SPATA31H1: variants seen among roughly 807,000 people sequenced by gnomAD.
The protein encoded by SPATA31H1 is SPATA31 subfamily H member 1, also known as spermatogenesis-associated protein 31H1.
At chr2:27,578,576 T>C in the SPATA31H1 span, 8 of 1,613,678 alleles carry the variant, frequency 5.0e-6, no homozygotes, top group East Asian at 1.6e-4. Flanking sequence ...CGCAAACATC[T>C]CCATTTGAGG....
At chr2:27,574,112 TG>T in the SPATA31H1 span, 2 of 398,524 alleles carry the variant, frequency 5.0e-6, no homozygotes, top group East Asian at 7.1e-5. Flanking sequence ...ACTTCAAACC[TG>T]GGCCACAGTT....
the SPATA31H1 span, chr2:27,580,570 G>A: frequency 9.9e-6 from 16 of 1,614,082 alleles, no homozygotes; most frequent in Admixed American, 1.3e-4. Flanking sequence ...ACTCAGACAA[G>A]TACTGCCTCT....
the SPATA31H1 span, among the ~76,000 whole-genome samples, chr2:27,565,633 T>G: frequency 2.6e-5 from 4 of 152,196 alleles, no homozygotes; most frequent in Admixed American, 6.5e-5. Context: ...GCCCAAGGTA[T>G]TGGGAAGGAA....
At chr2:27,550,933 A>G in the SPATA31H1 span, among the ~76,000 whole-genome samples, 12 of 150,458 alleles carry the variant, frequency 8.0e-5, no homozygotes, top group African/African-American at 2.9e-4. Context: ...TCTGTCACCC[A>G]GGTTGGAGTG....
chr2:27,541,977 G>A, the SPATA31H1 span, among the ~76,000 whole-genome samples: 3 of 151,848 alleles, frequency 2.0e-5, no homozygotes, highest in African/African-American at 7.3e-5. Flanking sequence ...TATCGCCATG[G>A]TGCCCAGCTG....
chr2:27,547,328 C>T, the SPATA31H1 span, among the ~76,000 whole-genome samples: 8 of 151,802 alleles, frequency 5.3e-5, no homozygotes, highest in African/African-American at 1.9e-4. Flanking sequence ...TGCACACCAC[C>T]ATGCCCAGCT....
the SPATA31H1 span, among the ~76,000 whole-genome samples, chr2:27,550,920 C>T: frequency 2.0e-5 from 3 of 151,062 alleles, no homozygotes; most frequent in Non-Finnish European, 2.9e-5. Context: ...GATGGAGTCT[C>T]ACTCTGTCAC....
At chr2:27,538,300 G>A in the SPATA31H1 span, among the ~76,000 whole-genome samples, 936 of 151,602 alleles carry the variant, frequency 6.2e-3, 7 homozygotes, top group African/African-American at 0.022. Flanking sequence ...TGAATCACCT[G>A]GGGGATCTTG....
chr2:27,579,561 A>C, the SPATA31H1 span: 1 of 1,614,256 alleles, frequency 6.2e-7, no homozygotes, highest in Non-Finnish European at 8.5e-7. Context: ...TAGAGTGAGA[A>C]TAAAGAAGAC....
At chr2:27,570,225 T>G in the SPATA31H1 span, 1 of 398,688 alleles carries the variant, frequency 2.5e-6, no homozygotes, top group Admixed American at 4.4e-5. Flanking sequence ...AGAGTCATCT[T>G]TGCAGTCAAG....
chr2:27,570,087 C>T, the SPATA31H1 span: 2 of 398,798 alleles, frequency 5.0e-6, no homozygotes, highest in Non-Finnish European at 8.9e-6. Flanking sequence ...GGAACTAAGC[C>T]CAGGACTATT....
chr2:27,566,598 G>T, the SPATA31H1 span: 1 of 581,294 alleles, frequency 1.7e-6, no homozygotes, highest in Non-Finnish European at 3.1e-6. Context: ...ATTTCTATAA[G>T]TAATTGATGT....
At chr2:27,577,311 G>C in the SPATA31H1 span, 1 of 1,613,978 alleles carries the variant, frequency 6.2e-7, no homozygotes, top group African/African-American at 1.3e-5. The surrounding 1 kb of genome is among the most constrained non-coding windows in gnomAD (Gnocchi z 4.5). Context: ...CCGAGTTAAG[G>C]ATGTGGGGGA....
the SPATA31H1 span, among the ~76,000 whole-genome samples, chr2:27,539,101 CTTTTTTTT>C: frequency 0.018 from 1,670 of 94,642 alleles, 11 homozygotes; most frequent in Middle Eastern, 0.025. Context: ...TCATCATTTT[CTTTTTTTT>C]TTTTTTTTTT....
chr2:27,574,191 A>C, the SPATA31H1 span: 1 of 398,416 alleles, frequency 2.5e-6, no homozygotes, highest in Non-Finnish European at 4.4e-6. Context: ...AATGGAATGC[A>C]ACTCAGGCCC....
chr2:27,571,868 TGAA>T, the SPATA31H1 span: 1 of 398,322 alleles, frequency 2.5e-6, no homozygotes, highest in Admixed American at 4.4e-5. Flanking sequence ...GAGAAGAGTT[TGAA>T]GAAGTAAAAT....
the SPATA31H1 span, chr2:27,573,774 C>A: frequency 2.5e-6 from 1 of 398,516 alleles, no homozygotes; most frequent in Non-Finnish European, 4.4e-6. Context: ...AGCGTTTACA[C>A]AAGTGCCACA....
At chr2:27,578,870 T>C in the SPATA31H1 span, 1 of 1,614,052 alleles carries the variant, frequency 6.2e-7, no homozygotes, top group African/African-American at 1.3e-5. Context: ...GAGCTTTGGA[T>C]ATAAAAAACC....
chr2:27,579,370 C>A, the SPATA31H1 span: 1 of 1,614,218 alleles, frequency 6.2e-7, no homozygotes, highest in Non-Finnish European at 8.5e-7. Context: ...GGGATTCCAG[C>A]TGAACTGATG....
Sources: gnomAD v4.1 joint callset for allele counts (sites outside exome capture counted in the v4.1 genomes callset) on GRCh38, gnomAD v4.1.1 for gene constraint, Gnocchi (gnomAD v3.1) non-coding constraint, MANE v1.5 for transcripts, NCBI Gene and HGNC (gene_info 2026-07-23, HGNC 2026-07-21) for gene names.